WDFY4: variants seen among roughly 807,000 people sequenced by gnomAD.
WDFY4 encodes WDFY family member 4.
In WDFY4, 169 loss-of-function variants were observed where a neutral mutation model predicts 351.9. That is an observed-to-expected ratio of 0.48 (90% confidence interval 0.42 to 0.55). The LOEUF (loss-of-function observed/expected upper bound fraction) is 0.55. Among genes scored for constraint, WDFY4 ranks in the 20% least tolerant of loss-of-function variants. WDFY4 has a pLI of 0.00. For missense variants in WDFY4, 3,803 were observed against 3,935.6 expected (o/e 0.97, Z 0.90); for synonymous variants, 1,622 against 1,574.6 (o/e 1.03, Z -0.71).
intron 7 of WDFY4, among the ~76,000 whole-genome samples, chr10:48,729,047 G>A (rs989412127): frequency 6.6e-6 from 1 of 152,212 alleles, no homozygotes; most frequent in African/African-American, 2.4e-5. Flanking sequence ...CTTTAAATAA[G>A]CACAAGGAAG....
intron 1 of WDFY4, among the ~76,000 whole-genome samples, chr10:48,704,764 T>C (rs1236643395): frequency 6.6e-6 from 1 of 152,244 alleles, no homozygotes; most frequent in Non-Finnish European, 1.5e-5. Flanking sequence ...GAAGGGACCC[T>C]GGCCAAGTCA....
intron 15 of WDFY4, among the ~76,000 whole-genome samples, chr10:48,776,272 A>G (rs777058446): frequency 1.4e-4 from 21 of 152,230 alleles, no homozygotes. Flanking sequence ...GACATCTTGA[A>G]TGTAAGATCA....
intron 36 of WDFY4, among the ~76,000 whole-genome samples, chr10:48,827,460 T>A (rs1021374271): frequency 1.3e-5 from 2 of 148,416 alleles, no homozygotes; most frequent in African/African-American, 5.0e-5. Flanking sequence ...GATTTCCAAA[T>A]CTGAATGTGG....
chr10:48,966,782 C>A, intron 55 of WDFY4, 109 bp downstream of exon 55: 2 of 1,390,598 alleles, frequency 1.4e-6, no homozygotes, highest in Non-Finnish European at 1.9e-6. Context: ...GTATTGGGGA[C>A]TGACTTTGAA....
intron 2 of WDFY4, among the ~76,000 whole-genome samples, chr10:48,714,383 A>G (rs1319050591): frequency 6.6e-6 from 1 of 152,226 alleles, no homozygotes; most frequent in Non-Finnish European, 1.5e-5. Context: ...TGACTGTAGG[A>G]TGTTGCAGAT....
In WDFY4 at chr10:48,966,980, C is replaced by G. The variant is rs1288045526; in HGVS notation, c.8584+307C>G. ...CACACACATCTCTCTTCCTCTTCCT[C>G]TCTTTTATACATGCACACACACATG... On this transcript the variant is annotated intron_variant, in intron 55 of 61. Coordinates refer to ENST00000325239, the MANE Select transcript of WDFY4 (RefSeq NM_001394531.1). 1.3e-5 allele frequency: 5 copies of G among 374,786 alleles called. No homozygotes were observed. The East Asian group carries it at 2.6e-4, about 19-fold the overall frequency. The allele number at this position is 374,786 out of a possible 1,614,324, so 23.2% of individuals were successfully genotyped here.
intron 12 of WDFY4, among the ~76,000 whole-genome samples, chr10:48,755,556 TTTTG>T (rs1156962268): frequency 3.9e-5 from 6 of 152,182 alleles, no homozygotes; most frequent in African/African-American, 1.2e-4. Context: ...GAGATTCATT[TTTTG>T]TTTGTTTGTT....
intron 39 of WDFY4, among the ~76,000 whole-genome samples, chr10:48,856,532 G>T (rs1424698124): frequency 6.6e-6 from 1 of 152,036 alleles, no homozygotes; most frequent in Non-Finnish European, 1.5e-5. Flanking sequence ...TGTGCAGTAA[G>T]TGCAGGTTTG....
At chr10:48,940,485 T>G (rs1840695610) in intron 47 of WDFY4, among the ~76,000 whole-genome samples, 1 of 152,086 alleles carries the variant, frequency 6.6e-6, no homozygotes, top group African/African-American at 2.4e-5. Flanking sequence ...ATGATGGGAA[T>G]GTGAAGCAGC....
chr10:48,832,298 A>G (rs937748689), intron 38 of WDFY4, among the ~76,000 whole-genome samples: 1 of 152,250 alleles, frequency 6.6e-6, no homozygotes, highest in African/African-American at 2.4e-5. Context: ...GAGGCTCAGC[A>G]ACTTTAGTTA....
rs2069876686 is a variant in WDFY4, at chr10:48,873,712, C to A, written c.6948+15C>A. ...GAAGGCACAAGGTAGGAGTCAGGCG[C>A]AGTGGGACAGTGCTGGTTCCAGGTA... On this transcript the variant is annotated intron_variant, in intron 41 of 61. Transcript: ENST00000325239. 4 of 1,551,146 alleles carry A rather than the reference C, an allele frequency of 2.6e-6. No homozygotes were observed. The highest frequency in any genetic ancestry group is 3.5e-6 in the Non-Finnish European group (4 of 1,146,826).
intron 10 of WDFY4, among the ~76,000 whole-genome samples, chr10:48,734,380 C>A (rs140491881): frequency 6.6e-6 from 1 of 152,036 alleles, no homozygotes; most frequent in East Asian, 1.9e-4. Flanking sequence ...GAGTAACATA[C>A]GGGCAAAGAA....
chr10:48,685,556 C>G (rs1357332159), intron 1 of WDFY4, among the ~76,000 whole-genome samples: 4 of 152,192 alleles, frequency 2.6e-5, no homozygotes, highest in Non-Finnish European at 1.5e-5. Flanking sequence ...TCCCTGGGCT[C>G]ACTTCCCTCA....
chr10:48,821,927 A>T (rs1340390954), intron 34 of WDFY4, among the ~76,000 whole-genome samples: 1 of 152,078 alleles, frequency 6.6e-6, no homozygotes, highest in East Asian at 1.9e-4. Context: ...GTCGTGGTGA[A>T]CTCACAGGGT....
chr10:48,937,086 G>A (rs983682661), intron 47 of WDFY4, among the ~76,000 whole-genome samples: 1 of 151,916 alleles, frequency 6.6e-6, no homozygotes, highest in African/African-American at 2.4e-5. Context: ...TAGAGACGAG[G>A]TTTTTCCATG....
In WDFY4 at chr10:48,976,766, G is replaced by T. The variant is rs145186850; in HGVS notation, c.9109-31G>T. 7 of 1,350,298 alleles carry T rather than the reference G, an allele frequency of 5.2e-6. No homozygotes were observed. In the African/African-American group the frequency reaches 9.0e-5, roughly 17 times the overall value. The allele number at this position is 1,350,298 out of a possible 1,614,324, so 83.6% of individuals were successfully genotyped here. Reference sequence around the variant, plus strand: ...GGCTGATGGGCAGGCAGTGACTCCAGCTTAGAGTGATGCCAGCTCTCACTG... The same window carrying T: ...GGCTGATGGGCAGGCAGTGACTCCATCTTAGAGTGATGCCAGCTCTCACTG... On this transcript the variant is annotated intron_variant, in intron 58 of 61. Transcript: ENST00000325239.
chr10:48,733,902 A>C, intron 9 of WDFY4, 29 bp from the exon 10 acceptor site: 1 of 1,547,578 alleles, frequency 6.5e-7, no homozygotes, highest in Admixed American at 2.0e-5. Flanking sequence ...TACTTAATTT[A>C]TTTTGTTATT....
At chr10:48,755,449 C>T (rs372094503) in intron 12 of WDFY4, among the ~76,000 whole-genome samples, 3 of 152,108 alleles carry the variant, frequency 2.0e-5, no homozygotes, top group Non-Finnish European at 2.9e-5. Context: ...CTTTGCCTGA[C>T]GGCCATGAAG....
intron 30 of WDFY4, 26 bp from the exon 31 acceptor site, chr10:48,813,931 C>T: frequency 6.6e-7 from 1 of 1,510,950 alleles, no homozygotes; most frequent in Non-Finnish European, 8.9e-7. Flanking sequence ...CGCAGGTCTG[C>T]TTACAGCTCC....
Sources: gnomAD v4.1 joint callset for allele counts (sites outside exome capture counted in the v4.1 genomes callset) on GRCh38, gnomAD v4.1.1 for gene constraint, MANE v1.5 for transcripts, NCBI Gene and HGNC (gene_info 2026-07-23, HGNC 2026-07-21) for gene names.